The following CNTNAP2 variants were observed in gnomAD, a reference collection of about 807,000 sequenced individuals.
CNTNAP2 encodes contactin associated protein 2, also known as contactin-associated protein-like 2.
A neutral mutation model predicts 155.2 loss-of-function variants in CNTNAP2; 98 were observed. The observed-to-expected ratio is 0.63, with a 90% CI of 0.54 to 0.75. The LOEUF is 0.75. Ranked by LOEUF, CNTNAP2 falls within the 30% of genes least tolerant of loss-of-function variation. The probability of loss-of-function intolerance (pLI) is 0.00; values close to 1 mark genes in which losing one functional copy is unlikely to be tolerated. For missense variants in CNTNAP2, 1,727 were observed against 1,688.1 expected (o/e 1.02, Z -0.40); for synonymous variants, 651 against 631.2 (o/e 1.03, Z -0.47).
chr7:147,008,857 A>T (rs1026734757), intron 3 of CNTNAP2, among the ~76,000 whole-genome samples: 1 of 151,992 alleles, frequency 6.6e-6, no homozygotes, highest in Non-Finnish European at 1.5e-5. Context: ...TCTTTTTCTG[A>T]TACAAAAATT....
At chr7:146,444,550 C>T (rs1428836885) in intron 1 of CNTNAP2, among the ~76,000 whole-genome samples, 1 of 152,102 alleles carries the variant, frequency 6.6e-6, no homozygotes, top group Non-Finnish European at 1.5e-5. Context: ...GGTCGCTGTT[C>T]ACCTCATGTA....
At chr7:146,717,692 G>A (rs1250148131) in intron 1 of CNTNAP2, among the ~76,000 whole-genome samples, 4 of 151,732 alleles carry the variant, frequency 2.6e-5, no homozygotes, top group Non-Finnish European at 4.4e-5. Context: ...ACTCACCTTG[G>A]TTTTATTCAT....
intron 3 of CNTNAP2, among the ~76,000 whole-genome samples, chr7:147,005,471 A>G (rs1798508169): frequency 6.6e-6 from 1 of 152,080 alleles, no homozygotes; most frequent in Admixed American, 6.6e-5. Flanking sequence ...ACATAAAAGC[A>G]AAAAGAAGTT....
intron 12 of CNTNAP2, among the ~76,000 whole-genome samples, chr7:147,602,646 CA>C (rs1800974802): frequency 6.6e-6 from 1 of 151,450 alleles, no homozygotes. Flanking sequence ...CCACTCCCCC[CA>C]CCCCACAACA....
At chr7:146,254,527 C>T (rs2116948024) in intron 1 of CNTNAP2, among the ~76,000 whole-genome samples, 1 of 152,232 alleles carries the variant, frequency 6.6e-6, no homozygotes, top group East Asian at 1.9e-4. Context: ...GCATGGTTTC[C>T]AAAGGCAGTG....
Position 147,737,428 on chromosome 7 carries a change from C to T in CNTNAP2, c.2098+98122C>T, listed in dbSNP as rs151253157. On this transcript the variant is annotated intron_variant, in intron 13 of 23. Transcript: ENST00000361727. The stretch of plus-strand genomic sequence containing the variant: ...CCCGGCCGGGTGAGGTGTCAGTCTG[C>T]CCCTACTGGGGGGTGCCTCCCAGTT... Among the ~76,000 whole-genome samples, 1,457 of 152,230 alleles carry T rather than the reference C, an allele frequency of 9.6e-3. 29 individuals carry two copies. The highest frequency in any genetic ancestry group is 0.032 in the African/African-American group (1,339 of 41,544).
intron 13 of CNTNAP2, among the ~76,000 whole-genome samples, chr7:147,731,368 T>C (rs1189483078): frequency 6.6e-6 from 1 of 152,098 alleles, no homozygotes; most frequent in African/African-American, 2.4e-5. Context: ...CCTGAGACTC[T>C]TAAGAGTTCT....
At chr7:147,535,005 C>T in intron 11 of CNTNAP2, among the ~76,000 whole-genome samples, 1 of 152,058 alleles carries the variant, frequency 6.6e-6, no homozygotes, top group East Asian at 1.9e-4. Flanking sequence ...CATTTTGGTG[C>T]CCCTTCCCGC....
At position 146,778,849 on chromosome 7, in the gene CNTNAP2, G is replaced by C. The variant is rs141039507; in HGVS notation, c.208+4468G>C. On this transcript the variant is annotated intron_variant, in intron 2 of 23. Transcript: ENST00000361727. The stretch of plus-strand genomic sequence containing the variant: ...AAATCAGTCCTTTTCTTCTGCCAGA[G>C]AGACAGCCATCCACCACGTGGTCCA... Among the ~76,000 whole-genome samples the C allele has an allele frequency of 3.0e-4, 45 of 152,268 alleles. No individual in the cohort carries two copies. In the East Asian group the frequency reaches 5.6e-3, roughly 19 times the overall value.
chr7:146,989,169 T>A (rs1374440166), intron 3 of CNTNAP2, among the ~76,000 whole-genome samples: 1 of 152,044 alleles, frequency 6.6e-6, no homozygotes, highest in Non-Finnish European at 1.5e-5. Flanking sequence ...TAGGAGCATG[T>A]AGGGGTGCTC....
intron 1 of CNTNAP2, among the ~76,000 whole-genome samples, chr7:146,503,402 A>C (rs2129133741): frequency 6.6e-6 from 1 of 152,322 alleles, no homozygotes; most frequent in Non-Finnish European, 1.5e-5. Context: ...ATTTTTGTTT[A>C]GCTCATCAGC....
At chr7:147,474,080 TA>T (rs202185414) in intron 10 of CNTNAP2, among the ~76,000 whole-genome samples, 9 of 148,230 alleles carry the variant, frequency 6.1e-5, no homozygotes, top group African/African-American at 1.2e-4. Context: ...ACTCCGTCTC[TA>T]AAAAAAAATA....
chr7:146,473,032 A>G (rs1442652225), intron 1 of CNTNAP2, among the ~76,000 whole-genome samples: 2 of 151,636 alleles, frequency 1.3e-5, no homozygotes, highest in Non-Finnish European at 2.9e-5. Context: ...ATTTATATTC[A>G]GAGAAGTAGA....
chr7:146,924,159 G>A (rs750396446), intron 3 of CNTNAP2, among the ~76,000 whole-genome samples: 1 of 152,066 alleles, frequency 6.6e-6, no homozygotes, highest in Non-Finnish European at 1.5e-5. Flanking sequence ...TCCACAGAGT[G>A]CCAGGCTGAC....
At chr7:146,231,974 C>T (rs1799393257) in intron 1 of CNTNAP2, among the ~76,000 whole-genome samples, 1 of 152,118 alleles carries the variant, frequency 6.6e-6, no homozygotes. Context: ...CAAATTTTCT[C>T]CAATATCCTG....
intron 3 of CNTNAP2, among the ~76,000 whole-genome samples, chr7:146,861,605 G>A (rs887138198): frequency 1.3e-5 from 2 of 151,658 alleles, no homozygotes; most frequent in Admixed American, 1.3e-4. Flanking sequence ...CTTAGCAGGG[G>A]GTAACCATAA....
chr7:148,196,352 G>T (rs780114317), intron 18 of CNTNAP2, among the ~76,000 whole-genome samples: 8 of 152,178 alleles, frequency 5.3e-5, no homozygotes, highest in Non-Finnish European at 1.0e-4. Context: ...AGTTCCTTGT[G>T]TAGTCAGGGA....
chr7:147,334,607 A>G (rs1795634521), intron 9 of CNTNAP2, among the ~76,000 whole-genome samples: 1 of 152,170 alleles, frequency 6.6e-6, no homozygotes, highest in African/African-American at 2.4e-5. Flanking sequence ...TGATCTGCAC[A>G]ATTTGGAGAT....
At chr7:147,577,570 T>C (rs752232166) in intron 12 of CNTNAP2, among the ~76,000 whole-genome samples, 9 of 151,840 alleles carry the variant, frequency 5.9e-5, no homozygotes, top group Non-Finnish European at 1.0e-4. Flanking sequence ...GTCTCTCCCA[T>C]GTAGAGTTTC....
Sources: allele counts gnomAD v4.1 joint callset (sites outside exome capture counted in the v4.1 genomes callset), GRCh38; gene constraint gnomAD v4.1.1; transcripts MANE v1.5; gene names NCBI Gene and HGNC (gene_info 2026-07-23, HGNC 2026-07-21).